Variants in HORMAD2 observed in about 807,000 individuals in gnomAD.
HORMAD2 encodes the protein HORMA domain-containing protein 2.
In HORMAD2, 45 loss-of-function variants were observed where a neutral mutation model predicts 38.8. The ratio of observed to expected loss-of-function variants is 1.16; its 90% CI spans 0.91 to 1.49. HORMAD2 has a LOEUF of 1.49. Ranked by LOEUF, HORMAD2 falls within the 40% of genes most tolerant of loss-of-function variation. The pLI is 0.00. For missense variants in HORMAD2, 338 were observed against 367.0 expected, an observed-to-expected ratio of 0.92 and a Z score of 0.65; for synonymous variants, 126 against 122.8, an observed-to-expected ratio of 1.03 and a Z score of -0.17.
At chr22:30,172,768 A>G (rs1262347899) in intron 10 of HORMAD2, among the ~76,000 whole-genome samples, 2 of 151,988 alleles carry the variant, frequency 1.3e-5, no homozygotes, top group African/African-American at 4.8e-5. Flanking sequence ...GGTACCTGTA[A>G]TCCCAGCTAC....
chr22:30,088,040 TAC>T (rs1207604398), intron 1 of HORMAD2, among the ~76,000 whole-genome samples: 1 of 141,464 alleles, frequency 7.1e-6, no homozygotes, highest in Non-Finnish European at 1.6e-5. Flanking sequence ...TATATGTGTA[TAC>T]ACACGTACAC....
At chr22:30,086,088 G>A (rs1438866002) in intron 1 of HORMAD2, among the ~76,000 whole-genome samples, 1 of 152,166 alleles carries the variant, frequency 6.6e-6, no homozygotes, top group South Asian at 2.1e-4. Context: ...CCCACTTGCT[G>A]TTCTTGTAAT....
intron 10 of HORMAD2, among the ~76,000 whole-genome samples, chr22:30,138,578 CTTCCA>C (rs1046195013): frequency 1.3e-5 from 2 of 152,060 alleles, no homozygotes; most frequent in Non-Finnish European, 2.9e-5. Flanking sequence ...TAAATATTGT[CTTCCA>C]TTCCATTTTC....
chr22:30,189,529 G>A, the HORMAD2 span, among the ~76,000 whole-genome samples: 1 of 151,966 alleles, frequency 6.6e-6, no homozygotes, highest in Non-Finnish European at 1.5e-5. Context: ...GGGATGGGTG[G>A]GTAGTGACTA....
the HORMAD2 span, among the ~76,000 whole-genome samples, chr22:30,183,015 C>A: frequency 6.6e-6 from 1 of 152,072 alleles, no homozygotes; most frequent in African/African-American, 2.4e-5. Flanking sequence ...TAGGCATAAA[C>A]AAGCAAACAT....
intron 1 of HORMAD2, among the ~76,000 whole-genome samples, chr22:30,092,136 C>A: frequency 6.6e-6 from 1 of 151,838 alleles, no homozygotes; most frequent in South Asian, 2.1e-4. Context: ...CCACCTTGGC[C>A]TCCCAAAGTG....
intron 1 of HORMAD2, among the ~76,000 whole-genome samples, chr22:30,082,985 A>G (rs1219786696): frequency 2.0e-5 from 3 of 152,006 alleles, no homozygotes; most frequent in Admixed American, 6.6e-5. Flanking sequence ...TGTAAGAGTG[A>G]GGGTCAGTTG....
At chr22:30,091,190 T>C (rs1005423431) in intron 1 of HORMAD2, among the ~76,000 whole-genome samples, 5 of 152,082 alleles carry the variant, frequency 3.3e-5, no homozygotes, top group African/African-American at 1.2e-4. Flanking sequence ...TAATATTCCA[T>C]TGTGTATATA....
chr22:30,144,358 C>T (rs2146187480), intron 10 of HORMAD2, among the ~76,000 whole-genome samples: 1 of 152,356 alleles, frequency 6.6e-6, no homozygotes, highest in African/African-American at 2.4e-5. Context: ...GGCCAGCCTA[C>T]AGTTTAGCAA....
chr22:30,180,873 C>CT (rs1569125567), downstream of HORMAD2, among the ~76,000 whole-genome samples: 5 of 122,630 alleles, frequency 4.1e-5, no homozygotes, highest in South Asian at 9.0e-4. Context: ...CCCTTCTTCC[C>CT]TTCCCTTTCC....
intron 1 of HORMAD2, among the ~76,000 whole-genome samples, chr22:30,082,299 G>A (rs1246398909): frequency 2.0e-5 from 3 of 152,124 alleles, no homozygotes; most frequent in Admixed American, 1.3e-4. Flanking sequence ...GAGAAAGATG[G>A]GTAGAGAGCC....
At chr22:30,153,967 CT>C (rs1233689024) in intron 10 of HORMAD2, among the ~76,000 whole-genome samples, 2 of 152,178 alleles carry the variant, frequency 1.3e-5, no homozygotes, top group African/African-American at 4.8e-5. Flanking sequence ...CATTTTTGCC[CT>C]TGCACAGTTT....
upstream of HORMAD2, among the ~76,000 whole-genome samples, chr22:30,079,298 C>T (rs1165603510): frequency 6.6e-6 from 1 of 152,132 alleles, no homozygotes; most frequent in African/African-American, 2.4e-5. Context: ...GAGCCACACC[C>T]CCAACTGCTC....
intron 10 of HORMAD2, among the ~76,000 whole-genome samples, chr22:30,123,955 G>A (rs1452182855): frequency 1.3e-5 from 2 of 150,792 alleles, no homozygotes; most frequent in Non-Finnish European, 3.0e-5. Flanking sequence ...CACCACACCT[G>A]GTTAGATTTT....
the HORMAD2 span, among the ~76,000 whole-genome samples, chr22:30,195,451 G>A: frequency 6.6e-6 from 1 of 152,124 alleles, no homozygotes; most frequent in South Asian, 2.1e-4. Context: ...TCACAAAGAG[G>A]GGAAGTGAGT....
chr22:30,090,750 C>T (rs1025928963), intron 1 of HORMAD2, among the ~76,000 whole-genome samples: 1 of 152,124 alleles, frequency 6.6e-6, no homozygotes, highest in African/African-American at 2.4e-5. Flanking sequence ...AATTGACACA[C>T]AGTAATTGTA....
intron 10 of HORMAD2, among the ~76,000 whole-genome samples, chr22:30,131,032 G>C (rs936303043): frequency 1.3e-5 from 2 of 152,056 alleles, no homozygotes; most frequent in African/African-American, 4.8e-5. Context: ...GATAGCAGTA[G>C]ACATACACAC....
chr22:30,187,832 G>A, the HORMAD2 span, among the ~76,000 whole-genome samples: 2 of 151,908 alleles, frequency 1.3e-5, no homozygotes, highest in Admixed American at 1.3e-4. Context: ...TTCCTTCAAA[G>A]CATTTCATTT....
chr22:30,104,507 C>A (rs1921041262), intron 5 of HORMAD2, 70 bp downstream of exon 5: 1 of 1,316,836 alleles, frequency 7.6e-7, no homozygotes, highest in Non-Finnish European at 1.1e-6. Context: ...AGAAATTAGA[C>A]ATTTATTTTG....
Sources: gnomAD v4.1 joint callset for allele counts (sites outside exome capture counted in the v4.1 genomes callset) on GRCh38, gnomAD v4.1.1 for gene constraint, MANE v1.5 for transcripts, NCBI Gene and HGNC (gene_info 2026-07-23, HGNC 2026-07-21) for gene names.